The following NTM variants were observed in gnomAD, a reference collection of about 807,000 sequenced individuals.
NTM encodes neurotrimin, also known as IgLON family member 2.
In NTM, 13 loss-of-function variants were observed where a neutral mutation model predicts 42.1. The ratio of observed to expected loss-of-function variants is 0.31; its 90% CI spans 0.20 to 0.49. NTM has a LOEUF of 0.49. Among genes scored for constraint, NTM ranks in the 20% least tolerant of loss-of-function variants. The pLI is 0.99. For missense variants in NTM, 373 were observed against 452.8 expected (o/e 0.82, Z 1.60); for synonymous variants, 187 against 179.2 (o/e 1.04, Z -0.35).
chr11:131,777,288 A>G (rs544491756), intron 1 of NTM, among the ~76,000 whole-genome samples: 1 of 152,292 alleles, frequency 6.6e-6, no homozygotes, highest in African/African-American at 2.4e-5. Flanking sequence ...ACACGCATGC[A>G]GATACCCATA....
At chr11:132,093,492 C>A (rs1185545481) in intron 2 of NTM, among the ~76,000 whole-genome samples, 1 of 152,208 alleles carries the variant, frequency 6.6e-6, no homozygotes, top group African/African-American at 2.4e-5. Flanking sequence ...CCAAAACACA[C>A]TTTGCCTGGT....
At chr11:131,894,243 G>A (rs917231568) in intron 1 of NTM, among the ~76,000 whole-genome samples, 28 of 152,286 alleles carry the variant, frequency 1.8e-4, no homozygotes, top group African/African-American at 6.5e-4. Context: ...CAGTTACTCT[G>A]CTGTCCCCAC....
chr11:132,064,178 ACT>A (rs1566062498), intron 2 of NTM, among the ~76,000 whole-genome samples: 2 of 152,216 alleles, frequency 1.3e-5, no homozygotes, highest in African/African-American at 4.8e-5. Flanking sequence ...TGGGTTGCAC[ACT>A]CTCTTTAAGA....
intron 1 of NTM, among the ~76,000 whole-genome samples, chr11:131,445,353 G>A (rs769883500): frequency 6.6e-6 from 1 of 152,176 alleles, no homozygotes; most frequent in African/African-American, 2.4e-5. Context: ...GTTCTCATTG[G>A]TCACCTTAGG....
chr11:131,953,141 C>T (rs932605581), intron 2 of NTM, among the ~76,000 whole-genome samples: 8 of 152,160 alleles, frequency 5.3e-5, no homozygotes, highest in Admixed American at 2.6e-4. Flanking sequence ...AAGGCAGACC[C>T]TGGTTGGCTT....
At chr11:131,717,308 T>C (rs1470863106) in intron 1 of NTM, among the ~76,000 whole-genome samples, 3 of 152,244 alleles carry the variant, frequency 2.0e-5, no homozygotes, top group African/African-American at 7.2e-5. Context: ...ATTGAATTTA[T>C]ACATTAATAT....
At chr11:131,396,727 G>A (rs1322729970) in intron 1 of NTM, among the ~76,000 whole-genome samples, 2 of 151,966 alleles carry the variant, frequency 1.3e-5, no homozygotes, top group Admixed American at 6.6e-5. Context: ...CCAGCTACTC[G>A]AGAGGCTGAG....
rs12277970 is a variant in NTM at position 132,264,764 on chromosome 11, A to G, written c.527-42925A>G. 8.4e-3 allele frequency among the ~76,000 whole-genome samples: 1,281 copies of G among 152,292 alleles called. 11 individuals carry two copies. Among genetic ancestry groups the G allele is most frequent in the South Asian group, 0.021 (99 of 4,822 alleles). Reference sequence around the variant, plus strand: ...CTTCCCAAGTATTTTCAACTTTATTATCTCATTACCCAGGCCTTGCAATGT... The same window carrying G: ...CTTCCCAAGTATTTTCAACTTTATTGTCTCATTACCCAGGCCTTGCAATGT... On this transcript the variant is annotated intron_variant, in intron 4 of 8. Transcript: ENST00000683400.
chr11:132,114,265 C>G (rs1276614381), intron 2 of NTM, among the ~76,000 whole-genome samples: 1 of 152,206 alleles, frequency 6.6e-6, no homozygotes, highest in Non-Finnish European at 1.5e-5. Context: ...CAGTTGGCTT[C>G]CTGCAGTGAG....
chr11:131,979,040 G>A (rs1199431651), intron 2 of NTM, among the ~76,000 whole-genome samples: 1 of 151,986 alleles, frequency 6.6e-6, no homozygotes, highest in Non-Finnish European at 1.5e-5. Context: ...GCTCGCTCTT[G>A]GGTACATACT....
intron 1 of NTM, among the ~76,000 whole-genome samples, chr11:131,843,101 TAAA>T (rs1369204780): frequency 6.6e-6 from 1 of 152,142 alleles, no homozygotes; most frequent in African/African-American, 2.4e-5. Flanking sequence ...TGATGAATAA[TAAA>T]AAAGTTGCTA....
At chr11:131,679,884 T>A (rs2072126654) in intron 1 of NTM, among the ~76,000 whole-genome samples, 1 of 152,194 alleles carries the variant, frequency 6.6e-6, no homozygotes. Flanking sequence ...GCATGGGCTT[T>A]CCGATGGAGA....
At chr11:132,310,060 A>C (rs2140210434) in intron 5 of NTM, 52 bp from the exon 6 acceptor site, 1 of 1,298,586 alleles carries the variant, frequency 7.7e-7, no homozygotes. Flanking sequence ...CCATCTCAAA[A>C]AAAAAAAAAA....
At chr11:131,761,355 A>T (rs994075618) in intron 1 of NTM, among the ~76,000 whole-genome samples, 1 of 152,260 alleles carries the variant, frequency 6.6e-6, no homozygotes, top group African/African-American at 2.4e-5. Context: ...AGGGTTACAG[A>T]TGGAATGTTT....
intron 2 of NTM, among the ~76,000 whole-genome samples, chr11:132,013,967 A>C (rs1022248971): frequency 6.6e-6 from 1 of 151,998 alleles, no homozygotes; most frequent in Non-Finnish European, 1.5e-5. Context: ...GCTATTGAAT[A>C]TTAGAACTTA....
chr11:132,051,837 TGG>T (rs1251257168), intron 2 of NTM, among the ~76,000 whole-genome samples: 12 of 152,308 alleles, frequency 7.9e-5, no homozygotes, highest in East Asian at 5.8e-4. Flanking sequence ...GAAAAGACTG[TGG>T]AGAATGCATC....
At chr11:132,016,194 A>T (rs1166413400) in intron 2 of NTM, among the ~76,000 whole-genome samples, 1 of 150,376 alleles carries the variant, frequency 6.6e-6, no homozygotes, top group Admixed American at 6.6e-5. Flanking sequence ...TGTTTTGTTG[A>T]TGTGATATAT....
chr11:131,997,713 G>T (rs545916142), intron 2 of NTM, among the ~76,000 whole-genome samples: 139 of 152,012 alleles, frequency 9.1e-4, no homozygotes, highest in Admixed American at 1.5e-3. Flanking sequence ...ACAATAATTG[G>T]AAGATGCCCT....
intron 2 of NTM, among the ~76,000 whole-genome samples, chr11:132,100,301 T>C (rs1017844663): frequency 1.3e-5 from 2 of 152,214 alleles, no homozygotes; most frequent in African/African-American, 4.8e-5. Context: ...GCATCATTGA[T>C]AAAGTATGCA....
Sources: allele counts gnomAD v4.1 joint callset (sites outside exome capture counted in the v4.1 genomes callset), GRCh38; gene constraint gnomAD v4.1.1; transcripts MANE v1.5; gene names NCBI Gene and HGNC (gene_info 2026-07-23, HGNC 2026-07-21).